LUZP2: variants seen among roughly 807,000 people sequenced by gnomAD.
LUZP2 encodes the protein leucine zipper protein 2.
LUZP2 carries 52 observed loss-of-function variants against 51.6 expected under a neutral mutation model. The ratio of observed to expected loss-of-function variants is 1.01; its 90% confidence interval spans 0.81 to 1.27. LUZP2 has a LOEUF of 1.27. LUZP2 is among the 50% of genes most tolerant of loss of function. The probability of loss-of-function intolerance (pLI) is 0.00; values close to 1 mark genes in which losing one functional copy is unlikely to be tolerated. For missense variants in LUZP2, 436 were observed against 395.4 expected (o/e 1.10, Z -0.87); for synonymous variants, 154 against 137.3 (o/e 1.12, Z -0.85).
intron 7 of LUZP2, among the ~76,000 whole-genome samples, chr11:24,934,494 A>C (rs1385019724): frequency 1.3e-5 from 2 of 152,258 alleles, no homozygotes; most frequent in Admixed American, 6.5e-5. Context: ...CTTATGGTTT[A>C]TTACTAATTT....
At chr11:24,827,767 A>G (rs965414207) in intron 5 of LUZP2, among the ~76,000 whole-genome samples, 2 of 152,116 alleles carry the variant, frequency 1.3e-5, no homozygotes, top group African/African-American at 4.8e-5. Flanking sequence ...AAAACATTCC[A>G]GTGGTTCTTA....
intron 10 of LUZP2, among the ~76,000 whole-genome samples, chr11:25,056,492 A>G (rs1483213929): frequency 6.6e-6 from 1 of 152,154 alleles, no homozygotes; most frequent in South Asian, 2.1e-4. Flanking sequence ...CCTGTTGGTC[A>G]TACCTGAGAC....
At chr11:24,786,556 G>A (rs1211519835) in intron 5 of LUZP2, 2 of 404,568 alleles carry the variant, frequency 4.9e-6, no homozygotes, top group Non-Finnish European at 6.6e-6. Context: ...ATAAACAGGT[G>A]TATATAATTA....
At chr11:24,694,243 A>G (rs900531020) in intron 1 of LUZP2, among the ~76,000 whole-genome samples, 1 of 151,956 alleles carries the variant, frequency 6.6e-6, no homozygotes, top group Non-Finnish European at 1.5e-5. Context: ...CTTCCAATAC[A>G]TTATGTGTTG....
At chr11:24,868,462 T>C (rs1851961778) in intron 5 of LUZP2, among the ~76,000 whole-genome samples, 1 of 152,156 alleles carries the variant, frequency 6.6e-6, no homozygotes, top group African/African-American at 2.4e-5. Context: ...GAGTTATCCA[T>C]CATTAAATTT....
intron 7 of LUZP2, among the ~76,000 whole-genome samples, chr11:24,963,736 A>G (rs918388710): frequency 2.6e-5 from 4 of 151,928 alleles, no homozygotes; most frequent in African/African-American, 7.2e-5. Context: ...GCAATGCCTC[A>G]CCCTGCTTCG....
intron 1 of LUZP2, among the ~76,000 whole-genome samples, chr11:24,508,531 A>C (rs141030821): frequency 2.0e-3 from 311 of 152,190 alleles, no homozygotes; most frequent in African/African-American, 7.2e-3. Flanking sequence ...CCAGTGAACT[A>C]TGGTTTTCTA....
chr11:24,866,471 A>G (rs1851899923), intron 5 of LUZP2, among the ~76,000 whole-genome samples: 1 of 152,210 alleles, frequency 6.6e-6, no homozygotes, highest in Admixed American at 6.6e-5. Context: ...TTTCTTTCAG[A>G]AACAAAATGA....
intron 1 of LUZP2, among the ~76,000 whole-genome samples, chr11:24,694,869 A>G (rs780841750): frequency 2.0e-5 from 3 of 151,616 alleles, no homozygotes; most frequent in Non-Finnish European, 2.9e-5. Context: ...GAGTTGAACA[A>G]TGAGAATACA....
intron 9 of LUZP2, among the ~76,000 whole-genome samples, chr11:25,021,372 C>A (rs1235761961): frequency 1.3e-5 from 2 of 151,416 alleles, no homozygotes; most frequent in African/African-American, 4.9e-5. Flanking sequence ...CAGGAAGAAA[C>A]TGTTAAAAGT....
At chr11:24,897,448 A>G (rs1853111532) in intron 5 of LUZP2, among the ~76,000 whole-genome samples, 1 of 152,178 alleles carries the variant, frequency 6.6e-6, no homozygotes, top group African/African-American at 2.4e-5. Flanking sequence ...TTCTGAGGCC[A>G]GCGAAACCAT....
intron 9 of LUZP2, among the ~76,000 whole-genome samples, chr11:25,001,120 A>C (rs1364612654): frequency 6.6e-6 from 1 of 152,208 alleles, no homozygotes; most frequent in Non-Finnish European, 1.5e-5. Context: ...ACTTTTAGCA[A>C]ACTCTACTTT....
At chr11:24,634,883 T>C (rs1286729143) in intron 1 of LUZP2, among the ~76,000 whole-genome samples, 1 of 152,156 alleles carries the variant, frequency 6.6e-6, no homozygotes, top group East Asian at 1.9e-4. Context: ...GGCTTCTCAG[T>C]ATGAACCTAG....
intron 9 of LUZP2, among the ~76,000 whole-genome samples, chr11:25,034,121 C>G (rs1857781304): frequency 6.6e-6 from 1 of 151,970 alleles, no homozygotes; most frequent in Non-Finnish European, 1.5e-5. Context: ...TAATAGCCAT[C>G]CTAATTGGTG....
At chr11:25,070,545 AT>A (rs5790451) in intron 10 of LUZP2, among the ~76,000 whole-genome samples, 79,753 of 151,648 alleles carry the variant, frequency 0.53, 21,643 homozygotes, top group African/African-American at 0.6. Flanking sequence ...GGAGGTTGTT[AT>A]ATAAGGTTTG....
intron 1 of LUZP2, among the ~76,000 whole-genome samples, chr11:24,660,819 C>A (rs1190658335): frequency 1.3e-5 from 2 of 151,858 alleles, no homozygotes; most frequent in Non-Finnish European, 2.9e-5. Context: ...TTACTTAGAC[C>A]ACTTTCATAA....
chr11:25,050,232 A>T, intron 10 of LUZP2, 102 bp downstream of exon 10: 1 of 449,488 alleles, frequency 2.2e-6, no homozygotes, highest in East Asian at 3.6e-5. Flanking sequence ...ATTTATATGT[A>T]ATATCTACTA....
At chr11:25,015,984 A>G (rs1478154336) in intron 9 of LUZP2, among the ~76,000 whole-genome samples, 1 of 149,560 alleles carries the variant, frequency 6.7e-6, no homozygotes, top group Non-Finnish European at 1.5e-5. Context: ...GCAGTGGTGC[A>G]ATCTCGGCTC....
intron 1 of LUZP2, among the ~76,000 whole-genome samples, chr11:24,548,012 A>G (rs1448606658): frequency 6.6e-6 from 1 of 152,126 alleles, no homozygotes; most frequent in African/African-American, 2.4e-5. Context: ...ATCATCTCAT[A>G]CAAGTCAGAA....
Sources: gnomAD v4.1 joint callset for allele counts (sites outside exome capture counted in the v4.1 genomes callset) on GRCh38, gnomAD v4.1.1 for gene constraint, MANE v1.5 for transcripts, NCBI Gene and HGNC (gene_info 2026-07-23, HGNC 2026-07-21) for gene names.